The following PPP4R4 variants were observed in gnomAD, a reference collection of about 807,000 sequenced individuals.
PPP4R4 encodes the protein serine/threonine-protein phosphatase 4 regulatory subunit 4.
Under a neutral mutation model 121.8 loss-of-function variants are expected in PPP4R4, and 70 were observed. The ratio of observed to expected loss-of-function variants is 0.57; its 90% CI spans 0.47 to 0.70. PPP4R4 has a LOEUF of 0.70. Among genes scored for constraint, PPP4R4 ranks in the 30% least tolerant of loss-of-function variants. The pLI, the probability that PPP4R4 is intolerant of heterozygous loss-of-function variation, is 0.00. For synonymous variants in PPP4R4, 348 were observed against 355.7 expected (o/e 0.98, Z 0.24); for missense variants, 875 against 1,033.6 (o/e 0.85, Z 2.10).
intron 19 of PPP4R4, among the ~76,000 whole-genome samples, chr14:94,260,529 G>A (rs1893729606): frequency 6.6e-6 from 1 of 151,982 alleles, no homozygotes; most frequent in African/African-American, 2.4e-5. Flanking sequence ...CCATACTATT[G>A]GGTATGTAAT....
intron 12 of PPP4R4, 33 bp from the exon 13 acceptor site, chr14:94,245,554 C>G: frequency 9.5e-6 from 11 of 1,158,376 alleles, no homozygotes; most frequent in Non-Finnish European, 1.2e-5. Flanking sequence ...ACATAGTAAT[C>G]ACTATAACAG....
intron 3 of PPP4R4, among the ~76,000 whole-genome samples, chr14:94,212,880 C>T (rs1890818467): frequency 6.6e-6 from 1 of 151,992 alleles, no homozygotes; most frequent in East Asian, 1.9e-4. Context: ...CAATCCAATG[C>T]AAAAAACACT....
chr14:94,225,099 T>G (rs1019972568), intron 3 of PPP4R4, among the ~76,000 whole-genome samples: 7 of 151,746 alleles, frequency 4.6e-5, no homozygotes, highest in African/African-American at 1.5e-4. Flanking sequence ...AATGTTGGGG[T>G]TAATCTCATT....
At chr14:94,191,657 T>C (rs1567107024) in intron 2 of PPP4R4, among the ~76,000 whole-genome samples, 1 of 152,168 alleles carries the variant, frequency 6.6e-6, no homozygotes, top group Non-Finnish European at 1.5e-5. Flanking sequence ...CTCTATATCA[T>C]TGATGATAAA....
intron 23 of PPP4R4, among the ~76,000 whole-genome samples, chr14:94,268,779 A>G (rs1337077413): frequency 1.3e-5 from 2 of 152,158 alleles, no homozygotes; most frequent in African/African-American, 4.8e-5. Flanking sequence ...CTTATTCACT[A>G]TCACGAGAAC....
At chr14:94,179,591 A>G (rs1200292055) in intron 2 of PPP4R4, among the ~76,000 whole-genome samples, 1 of 152,132 alleles carries the variant, frequency 6.6e-6, no homozygotes, top group East Asian at 1.9e-4. Flanking sequence ...CTCATCCTGG[A>G]GTACTCTTTC....
At chr14:94,188,820 A>G (rs748489589) in intron 2 of PPP4R4, among the ~76,000 whole-genome samples, 2 of 152,166 alleles carry the variant, frequency 1.3e-5, no homozygotes, top group Non-Finnish European at 2.9e-5. Flanking sequence ...ATATAGCAAA[A>G]TATCATAATC....
At chr14:94,188,583 A>G (rs371871411) in intron 2 of PPP4R4, among the ~76,000 whole-genome samples, 2 of 151,362 alleles carry the variant, frequency 1.3e-5, no homozygotes, top group Non-Finnish European at 2.9e-5. Flanking sequence ...ATATGTGTGT[A>G]TACACACACA....
At chr14:94,273,718 A>G (rs1894477672) in intron 23 of PPP4R4, among the ~76,000 whole-genome samples, 1 of 151,982 alleles carries the variant, frequency 6.6e-6, no homozygotes, top group Non-Finnish European at 1.5e-5. Flanking sequence ...GATATGGGAG[A>G]TCTCTGTACC....
chr14:94,210,172 A>C (rs1890668540), intron 3 of PPP4R4, among the ~76,000 whole-genome samples: 1 of 151,410 alleles, frequency 6.6e-6, no homozygotes, highest in Admixed American at 6.6e-5. Flanking sequence ...ACAGTTTCAA[A>C]AGATACATTT....
chr14:94,225,633 C>G (rs1390161405), intron 3 of PPP4R4, among the ~76,000 whole-genome samples: 2 of 152,098 alleles, frequency 1.3e-5, no homozygotes, highest in African/African-American at 4.8e-5. Flanking sequence ...CAGCACAGTG[C>G]CTTGAACATA....
rs1566682437 is a variant in PPP4R4, at chr14:94,240,739, A to G, written c.920A>G (p.Glu307Gly). Residue 307 changes from glutamate (E) to glycine (G), a missense_variant, in exon 9 of 25, where the codon GAA (glutamate) becomes GGA (glycine). Transcript: ENST00000304338. ...TGTGAAAAATCTTTCAAAGCAGATG[A>G]ATCAATTCTTATTTCTTTATCTTTC... ...SFCEKSFKADESILISLSFHL... is the reference protein window; with the variant it reads ...SFCEKSFKADGSILISLSFHL... 1 of 1,607,672 alleles carries G rather than the reference A, an allele frequency of 6.2e-7. No individual in the cohort carries two copies. Among genetic ancestry groups the G allele is most frequent in the Admixed American group, 1.7e-5 (1 of 59,212 alleles).
chr14:94,212,936 A>T (rs2139462652), intron 3 of PPP4R4, among the ~76,000 whole-genome samples: 1 of 152,334 alleles, frequency 6.6e-6, no homozygotes, highest in African/African-American at 2.4e-5. Context: ...TTTTACACTT[A>T]CATTTTGGCA....
intron 8 of PPP4R4, among the ~76,000 whole-genome samples, chr14:94,239,738 A>G (rs896293200): frequency 9.9e-5 from 15 of 152,192 alleles, no homozygotes; most frequent in African/African-American, 3.6e-4. Flanking sequence ...ATTTACAAAA[A>G]AAGTTTATAG....
intron 23 of PPP4R4, among the ~76,000 whole-genome samples, chr14:94,270,121 T>TA (rs940446684): frequency 1.1e-4 from 16 of 152,260 alleles, no homozygotes; most frequent in Admixed American, 2.0e-4. Context: ...ACAGTTTATT[T>TA]AAAAAAATAA....
chr14:94,177,677 C>T (rs1050382531), intron 2 of PPP4R4, among the ~76,000 whole-genome samples: 8 of 152,148 alleles, frequency 5.3e-5, no homozygotes, highest in Non-Finnish European at 1.2e-4. Context: ...TGATAGAAGA[C>T]ACCGTATTCT....
At chr14:94,229,034 T>A (rs1291559885) in intron 3 of PPP4R4, among the ~76,000 whole-genome samples, 4 of 152,150 alleles carry the variant, frequency 2.6e-5, no homozygotes, top group Non-Finnish European at 5.9e-5. Flanking sequence ...GAACACATAC[T>A]GTAAGTCATT....
chr14:94,268,202 AC>A (rs1308337833), intron 23 of PPP4R4, among the ~76,000 whole-genome samples: 1 of 152,198 alleles, frequency 6.6e-6, no homozygotes, highest in Non-Finnish European at 1.5e-5. Context: ...ATTTTAGTGT[AC>A]AAAACCAGTT....
At chr14:94,202,884 G>T (rs1890265651) in intron 2 of PPP4R4, among the ~76,000 whole-genome samples, 1 of 151,864 alleles carries the variant, frequency 6.6e-6, no homozygotes, top group South Asian at 2.1e-4. Flanking sequence ...TCGGGAGGCT[G>T]AGGCAGGAGA....
Sources: allele counts gnomAD v4.1 joint callset (sites outside exome capture counted in the v4.1 genomes callset), GRCh38; gene constraint gnomAD v4.1.1; transcripts MANE v1.5; gene names NCBI Gene and HGNC (gene_info 2026-07-23, HGNC 2026-07-21).